The following CNTNAP4 variants were observed in gnomAD, a reference collection of about 807,000 sequenced individuals.
CNTNAP4 encodes the protein contactin-associated protein-like 4.
CNTNAP4 carries 98 observed loss-of-function variants against 148.4 expected under a neutral mutation model. The observed-to-expected ratio is 0.66, with a 90% CI of 0.56 to 0.78. CNTNAP4 has a LOEUF of 0.78. Ranked by LOEUF, CNTNAP4 falls within the 30% of genes least tolerant of loss-of-function variation. The pLI is 0.00. For synonymous variants in CNTNAP4, 730 were observed against 565.1 expected, an observed-to-expected ratio of 1.29 and a Z score of -4.14; for missense variants, 1,935 against 1,565.6, an observed-to-expected ratio of 1.24 and a Z score of -3.98.
intron 3 of CNTNAP4, 55 bp from the exon 4 acceptor site, chr16:76,427,397 G>A: frequency 6.7e-7 from 1 of 1,501,082 alleles, no homozygotes; most frequent in Non-Finnish European, 9.1e-7. Flanking sequence ...TAGGTGACAA[G>A]CTGAAATGGA....
intron 21 of CNTNAP4, among the ~76,000 whole-genome samples, chr16:76,553,043 A>G (rs1356511905): frequency 6.6e-6 from 1 of 152,210 alleles, no homozygotes; most frequent in Non-Finnish European, 1.5e-5. Flanking sequence ...CTTTGTTTCT[A>G]GGGAGCTTAC....
chr16:76,329,831 T>C (rs1963346856), intron 2 of CNTNAP4, among the ~76,000 whole-genome samples: 1 of 152,220 alleles, frequency 6.6e-6, no homozygotes, highest in Non-Finnish European at 1.5e-5. Flanking sequence ...TATAATAGGC[T>C]ATAAAAATAT....
chr16:76,314,299 G>A (rs964203956), intron 1 of CNTNAP4, among the ~76,000 whole-genome samples: 1 of 152,172 alleles, frequency 6.6e-6, no homozygotes, highest in Non-Finnish European at 1.5e-5. Flanking sequence ...GCGAAAGAAA[G>A]CTTTCAGAGC....
At chr16:76,480,783 A>G (rs1037382157) in intron 12 of CNTNAP4, among the ~76,000 whole-genome samples, 3 of 152,218 alleles carry the variant, frequency 2.0e-5, no homozygotes, top group African/African-American at 7.2e-5. Flanking sequence ...TCAATATTGT[A>G]TAATATCAGT....
intron 3 of CNTNAP4, among the ~76,000 whole-genome samples, chr16:76,413,768 T>A (rs2078883472): frequency 6.6e-6 from 1 of 151,308 alleles, no homozygotes; most frequent in South Asian, 2.1e-4. Context: ...TTTAAAATTT[T>A]TCTCAATATT....
chr16:76,553,958 A>G (rs2085082529), intron 23 of CNTNAP4, 51 bp downstream of exon 23: 13 of 1,132,268 alleles, frequency 1.1e-5, no homozygotes, highest in Non-Finnish European at 1.6e-5. Context: ...ATTAATAATG[A>G]TGATGAATAT....
chr16:76,472,526 C>T (rs896624222), intron 10 of CNTNAP4, among the ~76,000 whole-genome samples: 9 of 150,200 alleles, frequency 6.0e-5, no homozygotes, highest in Middle Eastern at 3.2e-3. Flanking sequence ...TACGTTCCTG[C>T]ATTAGTTTGC....
chr16:76,404,203 T>C (rs192350073), intron 3 of CNTNAP4, among the ~76,000 whole-genome samples: 238 of 151,514 alleles, frequency 1.6e-3, no homozygotes, highest in Non-Finnish European at 2.4e-3. Context: ...GTAAAGTAAA[T>C]GTTGTATAAT....
intron 4 of CNTNAP4, among the ~76,000 whole-genome samples, chr16:76,444,609 C>T (rs2080169651): frequency 6.6e-6 from 1 of 151,934 alleles, no homozygotes; most frequent in South Asian, 2.1e-4. Flanking sequence ...TAACTTTATG[C>T]CACATAACTC....
At chr16:76,397,465 G>A (rs2144809124) in intron 3 of CNTNAP4, among the ~76,000 whole-genome samples, 1 of 152,116 alleles carries the variant, frequency 6.6e-6, no homozygotes, top group South Asian at 2.1e-4. Flanking sequence ...CTGAAGGCAT[G>A]CGACAGAGGG....
In CNTNAP4 at chr16:76,466,583, G is replaced by A. The variant is rs142019391; in HGVS notation, c.1484-769G>A. Among the ~76,000 whole-genome samples the A allele has an allele frequency of 2.7e-3, 409 of 151,924 alleles. 2 individuals carry two copies. The highest frequency in any genetic ancestry group is 9.4e-3 in the African/African-American group (388 of 41,448). ...AAATGTAATATATGTATTCATACTC[G>A]ATAAACTTATTTATTCCACTTGGAT... is the stretch of plus-strand genomic sequence containing the variant. On this transcript the variant is annotated intron_variant, in intron 9 of 23. Coordinates refer to ENST00000611870, the MANE Select transcript of CNTNAP4 (RefSeq NM_033401.5).
At chr16:76,318,007 G>A (rs1368348195) in intron 2 of CNTNAP4, among the ~76,000 whole-genome samples, 1 of 152,124 alleles carries the variant, frequency 6.6e-6, no homozygotes, top group Non-Finnish European at 1.5e-5. Flanking sequence ...TGCAGTAAGA[G>A]TTACTGGTCA....
In CNTNAP4 at chr16:76,360,092, T is replaced by G. The variant is rs149843203; in HGVS notation, c.390+4581T>G. ...TGCTTTATTTAAAATAGACTTCAGT[T>G]GTACTTGATTTTTCAAACAAAAACC... On this transcript the variant is annotated intron_variant, in intron 3 of 23. Coordinates refer to ENST00000611870, the MANE Select transcript of CNTNAP4 (RefSeq NM_033401.5). 1.6e-4 allele frequency among the ~76,000 whole-genome samples: 24 copies of G among 152,336 alleles called. No individual in the cohort carries two copies. In the East Asian group the frequency reaches 4.6e-3, roughly 29 times the overall value.
At chr16:76,356,734 A>C (rs1031227804) in intron 3 of CNTNAP4, among the ~76,000 whole-genome samples, 2 of 152,162 alleles carry the variant, frequency 1.3e-5, no homozygotes, top group African/African-American at 4.8e-5. Context: ...TTGGAAGCCT[A>C]TTTGGGCACA....
rs190577033 is a variant in CNTNAP4 at position 76,343,728 on chromosome 16, T to C, written c.197-11590T>C. Among the ~76,000 whole-genome samples, 264 of 149,094 alleles carry C rather than the reference T, an allele frequency of 1.8e-3. 2 individuals carry two copies. Among genetic ancestry groups the C allele is most frequent in the African/African-American group, 6.2e-3 (257 of 41,282 alleles). Reference sequence around the variant, plus strand: ...CAATGTAATACTGAAAAATCAAATATGTTGAAACTTCATTTTTTTTTTGTC... The same window carrying C: ...CAATGTAATACTGAAAAATCAAATACGTTGAAACTTCATTTTTTTTTTGTC... On this transcript the variant is annotated intron_variant, in intron 2 of 23. Transcript: ENST00000611870.
intron 15 of CNTNAP4, among the ~76,000 whole-genome samples, chr16:76,503,304 G>A (rs1001550980): frequency 2.6e-5 from 4 of 152,060 alleles, no homozygotes; most frequent in African/African-American, 9.7e-5. Context: ...TTATTAAGTT[G>A]CAGCAAAAGT....
intron 10 of CNTNAP4, among the ~76,000 whole-genome samples, chr16:76,469,315 T>A (rs535524002): frequency 6.6e-6 from 1 of 152,244 alleles, no homozygotes; most frequent in East Asian, 1.9e-4. Context: ...GACTTTTGGG[T>A]CCGTTTGTTG....
At chr16:76,522,547 TTGCCTGCCTGCC>T (rs750172150) in intron 17 of CNTNAP4, among the ~76,000 whole-genome samples, 13 of 151,548 alleles carry the variant, frequency 8.6e-5, no homozygotes, top group Non-Finnish European at 1.8e-4. Context: ...TAATTCCTAT[TTGCCTGCCTGCC>T]TGCCTGCCTG....
intron 4 of CNTNAP4, among the ~76,000 whole-genome samples, chr16:76,430,750 C>T (rs1597509989): frequency 6.6e-6 from 1 of 152,150 alleles, no homozygotes. Flanking sequence ...AAGTGTAGCA[C>T]ACCTCGCAGA....
Sources: gnomAD v4.1 joint callset for allele counts (sites outside exome capture counted in the v4.1 genomes callset) on GRCh38, gnomAD v4.1.1 for gene constraint, MANE v1.5 for transcripts, NCBI Gene and HGNC (gene_info 2026-07-23, HGNC 2026-07-21) for gene names.